Variants in TRHDE observed in about 807,000 individuals in gnomAD.
TRHDE encodes the protein thyrotropin releasing hormone degrading enzyme, also known as thyrotropin-releasing hormone-degrading ectoenzyme.
Under a neutral mutation model 125.7 loss-of-function variants are expected in TRHDE, and 72 were observed. That is an observed-to-expected ratio of 0.57 (90% CI 0.47 to 0.70). The LOEUF (loss-of-function observed/expected upper bound fraction) is 0.70. Among genes scored for constraint, TRHDE ranks in the 30% least tolerant of loss-of-function variants. The pLI, the probability that TRHDE is intolerant of heterozygous loss-of-function variation, is 0.00. For synonymous variants in TRHDE, 509 were observed against 509.1 expected (o/e 1.00, Z 0.00); for missense variants, 1,110 against 1,327.1 (o/e 0.84, Z 2.54).
At chr12:72,343,980 T>C (rs933896712) in intron 2 of TRHDE, among the ~76,000 whole-genome samples, 3 of 150,708 alleles carry the variant, frequency 2.0e-5, no homozygotes, top group African/African-American at 7.3e-5. Flanking sequence ...TCTATATTTA[T>C]TACATTTCTT....
At chr12:72,210,696 T>C (rs1307583669) in intron 2 of TRHDE, among the ~76,000 whole-genome samples, 1 of 152,204 alleles carries the variant, frequency 6.6e-6, no homozygotes, top group Non-Finnish European at 1.5e-5. Context: ...CTATTTGCAT[T>C]TGTATGAACA....
At chr12:72,648,205 TA>T (rs879680441) in intron 15 of TRHDE, among the ~76,000 whole-genome samples, 25 of 151,520 alleles carry the variant, frequency 1.6e-4, no homozygotes, top group East Asian at 5.8e-4. Flanking sequence ...CCTTTCATGA[TA>T]AAAAAAAATT....
intron 10 of TRHDE, among the ~76,000 whole-genome samples, chr12:72,572,993 A>C: frequency 6.6e-6 from 1 of 151,964 alleles, no homozygotes; most frequent in Non-Finnish European, 1.5e-5. Flanking sequence ...TTAACATTAT[A>C]ACTTTTTGAA....
intron 3 of TRHDE, among the ~76,000 whole-genome samples, chr12:72,458,128 A>C (rs1365153091): frequency 6.6e-6 from 1 of 152,148 alleles, no homozygotes; most frequent in East Asian, 1.9e-4. Flanking sequence ...GATGGTGCTA[A>C]TATATGTGAT....
intron 12 of TRHDE, among the ~76,000 whole-genome samples, chr12:72,607,120 T>A (rs1161972153): frequency 6.6e-6 from 1 of 152,144 alleles, no homozygotes; most frequent in Non-Finnish European, 1.5e-5. Flanking sequence ...TTAAAAAAAA[T>A]TTCCTTCCCA....
chr12:72,385,020 A>G (rs537459677), intron 3 of TRHDE, among the ~76,000 whole-genome samples: 1 of 152,240 alleles, frequency 6.6e-6, no homozygotes, highest in East Asian at 1.9e-4. Flanking sequence ...AACAGCTCAT[A>G]GTTTGAACCT....
rs570615927 is a variant in TRHDE, at chr12:72,434,239, G to A, written c.1316-35519G>A. The stretch of plus-strand genomic sequence containing the variant: ...GTCTCTACTAAAAATACAAAAATTA[G>A]CCGAGCATGGTGGACCACACCTGTG... On this transcript the variant is annotated intron_variant, in intron 3 of 18. Coordinates refer to ENST00000261180, the MANE Select transcript of TRHDE (RefSeq NM_013381.3). Among the ~76,000 whole-genome samples the A allele has an allele frequency of 9.9e-4, 151 of 151,874 alleles. 1 individual carries two copies. Among genetic ancestry groups the A allele is most frequent in the African/African-American group, 3.4e-3 (140 of 41,414 alleles).
chr12:72,224,134 CTATCTATTTATCTATGTATGTATG>C (rs1431539015), intron 2 of TRHDE, among the ~76,000 whole-genome samples: 3,283 of 79,616 alleles, frequency 0.041, 62 homozygotes, highest in South Asian at 0.062. Context: ...ATCTATCTAT[CTATCTATTTATCTATGTATGTATG>C]TATGTATGTA....
intron 9 of TRHDE, among the ~76,000 whole-genome samples, chr12:72,566,157 A>G (rs1402041169): frequency 6.6e-6 from 1 of 152,078 alleles, no homozygotes; most frequent in Non-Finnish European, 1.5e-5. Context: ...TATGAAATGT[A>G]TTAACAGTAC....
chr12:72,657,511 AAGG>A (rs1260848297), intron 18 of TRHDE, among the ~76,000 whole-genome samples: 1 of 152,170 alleles, frequency 6.6e-6, no homozygotes, highest in Non-Finnish European at 1.5e-5. Context: ...TAAGCGTAGA[AAGG>A]AGCATATCTG....
intron 2 of TRHDE, among the ~76,000 whole-genome samples, chr12:72,309,223 ATTTG>A (rs1365680489): frequency 2.6e-5 from 4 of 152,132 alleles, no homozygotes; most frequent in Admixed American, 6.5e-5. Context: ...GGCAGATGGT[ATTTG>A]TTTGAGAAAC....
In TRHDE at chr12:72,348,380, T is replaced by C. The variant is rs1870428395; in HGVS notation, c.1189-29615T>C. On this transcript the variant is annotated intron_variant, in intron 2 of 18. Transcript: ENST00000261180. ...CTTCTGCATCACCCTGGACCACTGG[T>C]GAGGCAGTTAATCGCTTTGATCCCT... Among the ~76,000 whole-genome samples the C allele has an allele frequency of 2.0e-5, 3 of 152,044 alleles. No individual in the cohort carries two copies. The South Asian group carries it at 6.2e-4, about 32-fold the overall frequency.
At chr12:72,531,090 T>C (rs1285087823) in intron 6 of TRHDE, among the ~76,000 whole-genome samples, 1 of 152,136 alleles carries the variant, frequency 6.6e-6, no homozygotes, top group Non-Finnish European at 1.5e-5. Flanking sequence ...ACCAGAGAGT[T>C]TGAGAACATC....
intron 2 of TRHDE, among the ~76,000 whole-genome samples, chr12:72,319,426 A>G (rs1202328265): frequency 6.6e-6 from 1 of 152,160 alleles, no homozygotes; most frequent in Non-Finnish European, 1.5e-5. Context: ...AAATATTTGC[A>G]TGTCAAGAAC....
At chr12:72,484,904 A>T (rs926433832) in intron 5 of TRHDE, among the ~76,000 whole-genome samples, 1 of 152,176 alleles carries the variant, frequency 6.6e-6, no homozygotes, top group African/African-American at 2.4e-5. Context: ...TAGAACAGCA[A>T]AGAAACAGCA....
intron 2 of TRHDE, among the ~76,000 whole-genome samples, chr12:72,152,991 C>G (rs1364109709): frequency 6.6e-6 from 1 of 152,116 alleles, no homozygotes; most frequent in Non-Finnish European, 1.5e-5. Flanking sequence ...CTCCTTGTAC[C>G]TCTGGTAGAA....
chr12:72,322,112 G>A (rs1196256696), intron 2 of TRHDE, among the ~76,000 whole-genome samples: 1 of 152,118 alleles, frequency 6.6e-6, no homozygotes, highest in Non-Finnish European at 1.5e-5. Context: ...CCAAATCAAT[G>A]TTTGTGGTGC....
intron 6 of TRHDE, among the ~76,000 whole-genome samples, chr12:72,510,141 C>G (rs1290290755): frequency 6.6e-6 from 1 of 152,184 alleles, no homozygotes; most frequent in Admixed American, 6.5e-5. Context: ...CACAATTAGC[C>G]TCCTGTTCTG....
At chr12:72,453,264 T>TA (rs1875669735) in intron 3 of TRHDE, among the ~76,000 whole-genome samples, 1 of 152,190 alleles carries the variant, frequency 6.6e-6, no homozygotes, top group African/African-American at 2.4e-5. Context: ...AAAGGTCACT[T>TA]ATGTTTTGCC....
Sources: gnomAD v4.1 joint callset for allele counts (sites outside exome capture counted in the v4.1 genomes callset) on GRCh38, gnomAD v4.1.1 for gene constraint, MANE v1.5 for transcripts, NCBI Gene and HGNC (gene_info 2026-07-23, HGNC 2026-07-21) for gene names.